PRPF31: variants seen among roughly 807,000 people sequenced by gnomAD.
PRPF31 encodes U4/U6 small nuclear ribonucleoprotein Prp31.
In PRPF31, 12 loss-of-function variants were observed where a neutral mutation model predicts 60.4. The observed-to-expected ratio is 0.20, with a 90% CI of 0.13 to 0.32. PRPF31 has a LOEUF of 0.32. PRPF31 is among the 10% of genes least tolerant of loss of function. The pLI is 1.00. For missense variants in PRPF31, 431 were observed against 687.1 expected, an observed-to-expected ratio of 0.63 and a Z score of 4.17; for synonymous variants, 287 against 287.9, an observed-to-expected ratio of 1.00 and a Z score of 0.03.
At position 54,123,173 on chromosome 19, in the gene PRPF31, G is replaced by A. The variant is rs1475861127; in HGVS notation, c.421-281G>A. ...CCGCGGATTTGCACTCCGACTTGACGCAGGCCAGAGGCTTGTGAGGCCACA... is the reference window on the plus strand; with the variant it reads ...CCGCGGATTTGCACTCCGACTTGACACAGGCCAGAGGCTTGTGAGGCCACA... On this transcript the variant is annotated intron_variant, in intron 5 of 13. Coordinates refer to ENST00000321030, the MANE Select transcript of PRPF31 (RefSeq NM_015629.4). 12 of 569,382 alleles carry A rather than the reference G, an allele frequency of 2.1e-5. No individual in the cohort carries two copies. In the East Asian group the frequency reaches 3.3e-4, roughly 16 times the overall value. 35.3% of individuals were successfully genotyped at this position (569,382 alleles called of 1,614,324 possible). A position where few individuals can be genotyped will look rare whatever the true frequency, so the allele number is the denominator to read the frequency against.
intron 13 of PRPF31, among the ~76,000 whole-genome samples, chr19:54,130,779 T>C (rs1272858018): frequency 3.3e-5 from 5 of 152,122 alleles, no homozygotes; most frequent in East Asian, 3.8e-4. Flanking sequence ...CCCTCCTCCA[T>C]CATGAGGTGC....
rs2146457824 is a variant in PRPF31, at chr19:54,131,309, C to T, written c.1377C>T (p.Gly459=). The change falls in exon 14 of 14, where the codon GGC becomes GGT. Residue 459 remains glycine, a splice_region_variant and synonymous_variant. Coordinates refer to ENST00000321030, the MANE Select transcript of PRPF31 (RefSeq NM_015629.4). Reference sequence around the variant, plus strand: ...TCCTCTCTCCCTCACCTGCCCAGGGCCTGGAGATTGTGAACCCACAGGCGG... The same window carrying T: ...TCCTCTCTCCCTCACCTGCCCAGGGTCTGGAGATTGTGAACCCACAGGCGG... ...ASSVAFTPLQ[G]LEIVNPQAAE... is the part of the protein sequence containing the mutation. 1 of 1,613,882 alleles carries T rather than the reference C, an allele frequency of 6.2e-7. No homozygotes were observed. Among genetic ancestry groups the T allele is most frequent in the South Asian group, 1.1e-5 (1 of 91,076 alleles).
At chr19:54,128,503 C>A in intron 11 of PRPF31, 126 bp downstream of exon 11, 1 of 664,510 alleles carries the variant, frequency 1.5e-6, no homozygotes, top group Non-Finnish European at 2.3e-6. Context: ...GCCCCAGCCT[C>A]CCCCCCCCCG....
chr19:54,123,171 A>T, intron 5 of PRPF31: 1 of 570,592 alleles, frequency 1.8e-6, no homozygotes, highest in South Asian at 2.0e-5. Flanking sequence ...CTCCGACTTG[A>T]CGCAGGCCAG....
chr19:54,119,104 C>T (rs1414198049), intron 3 of PRPF31, among the ~76,000 whole-genome samples: 1 of 152,100 alleles, frequency 6.6e-6, no homozygotes, highest in Admixed American at 6.6e-5. Flanking sequence ...CACCTAAGGC[C>T]GGGCGCCGTG....
At chr19:54,130,869 T>C (rs587726296) in intron 13 of PRPF31, among the ~76,000 whole-genome samples, 37 of 152,204 alleles carry the variant, frequency 2.4e-4, no homozygotes, top group South Asian at 4.1e-4. Flanking sequence ...CTGTTATTAT[T>C]TTTAGAGACG....
At chr19:54,123,407 C>A in intron 5 of PRPF31, 47 bp from the exon 6 acceptor site, 1 of 1,450,674 alleles carries the variant, frequency 6.9e-7, no homozygotes, top group Non-Finnish European at 9.7e-7. Context: ...GGTTCTCGAG[C>A]CTTCCTGAGT....
chr19:54,129,041 C>T lies in PRPF31; in HGVS notation c.1147-16C>T. 1 of 1,564,420 alleles carries T rather than the reference C, an allele frequency of 6.4e-7. No homozygotes were observed. Among genetic ancestry groups the T allele is most frequent in the South Asian group, 1.2e-5 (1 of 85,080 alleles). Reference sequence around the variant, plus strand: ...GCCTGGTCGCTGAACTGCAGGGCGCCTCCTCTCCCCCCTAGATCGAGGAGG... The same window carrying T: ...GCCTGGTCGCTGAACTGCAGGGCGCTTCCTCTCCCCCCTAGATCGAGGAGG... On this transcript the variant is annotated splice_polypyrimidine_tract_variant and intron_variant, in intron 11 of 13. Transcript: ENST00000321030.
intron 11 of PRPF31, among the ~76,000 whole-genome samples, chr19:54,128,827 A>C (rs376160423): frequency 7.4e-4 from 113 of 152,252 alleles, no homozygotes; most frequent in African/African-American, 2.3e-3. Context: ...ATGGCCTCCC[A>C]ACTCTGAGCT....
At chr19:54,125,754 C>A (rs1361748113) in intron 8 of PRPF31, among the ~76,000 whole-genome samples, 3 of 152,162 alleles carry the variant, frequency 2.0e-5, no homozygotes, top group African/African-American at 7.2e-5. Flanking sequence ...CTGGAACACA[C>A]CCAGGGAGGC....
chr19:54,120,521 G>C (rs587664360), intron 3 of PRPF31: 1 of 152,216 alleles, frequency 6.6e-6, no homozygotes, highest in Non-Finnish European at 1.5e-5. Context: ...CTCTGACGCC[G>C]CCCTGCCTGG....
In PRPF31 at chr19:54,125,134, C is replaced by A. The variant is rs587613498; in HGVS notation, c.855+478C>A. ...AGAGGTCACCAACCTCGGAGCTTCC[C>A]GGGTCCTCTCCCTGCAGTCGGGACA... is the stretch of plus-strand genomic sequence containing the variant. On this transcript the variant is annotated intron_variant, in intron 8 of 13. Transcript: ENST00000321030. 18 of 222,210 alleles carry A rather than the reference C, an allele frequency of 8.1e-5. No individual in the cohort carries two copies. In the South Asian group the frequency reaches 1.1e-3, roughly 14 times the overall value. 13.8% of individuals were successfully genotyped at this position (222,210 alleles called of 1,614,324 possible).
intron 10 of PRPF31, 38 bp downstream of exon 10, chr19:54,128,238 T>C (rs1450315668): frequency 1.9e-6 from 3 of 1,564,414 alleles, no homozygotes; most frequent in East Asian, 4.6e-5. Flanking sequence ...ATGGGGGTCA[T>C]GGAGGGGAGA....
chr19:54,126,478 T>G, intron 8 of PRPF31, 50 bp from the exon 9 acceptor site: 2 of 1,562,662 alleles, frequency 1.3e-6, no homozygotes, highest in Non-Finnish European at 1.7e-6. Flanking sequence ...TGCTGTTACC[T>G]CTGTCTGTCT....
chr19:54,118,476 C>T (rs112720865), intron 2 of PRPF31, 21 bp downstream of exon 2: 4 of 1,613,910 alleles, frequency 2.5e-6, no homozygotes, highest in African/African-American at 2.7e-5. Context: ...AAGAGGTGTT[C>T]CTAGCAGGGG....
rs2073964889 is a variant in PRPF31 at position 54,128,193 on chromosome 19, G to A, written c.1066G>A (p.Gly356Ser). Reference sequence around the variant, plus strand: ...GGATGGACAGCGGAAGAAGCGAGGCGGCCGCAGGTGAGGGGCCCTGGGGGT... The same window carrying A: ...GGATGGACAGCGGAAGAAGCGAGGCAGCCGCAGGTGAGGGGCCCTGGGGGT... Reference protein sequence around the residue: ...PLDGQRKKRGGRRYRKMKERL... With the variant: ...PLDGQRKKRGSRRYRKMKERL... Residue 356 changes from glycine (G) to serine (S), a missense_variant, in exon 10 of 14, where the codon GGC (glycine) becomes AGC (serine). Around this residue, in one of 4 missense-constraint regions of PRPF31, gnomAD observed 314 missense variants for 475.3 expected, o/e 0.66. Coordinates refer to ENST00000321030, the MANE Select transcript of PRPF31 (RefSeq NM_015629.4). The A allele has an allele frequency of 1.3e-6, 2 of 1,570,792 alleles. No homozygotes were observed. The highest frequency in any genetic ancestry group is 1.7e-6 in the Non-Finnish European group (2 of 1,160,228).
chr19:54,126,686 A>G, intron 9 of PRPF31, 69 bp downstream of exon 9: 1 of 1,469,226 alleles, frequency 6.8e-7, no homozygotes, highest in Non-Finnish European at 9.4e-7. Context: ...CTGCAGGGAG[A>G]CCCTCAGCAG....
intron 13 of PRPF31, among the ~76,000 whole-genome samples, 195 bp from the exon 14 acceptor site, chr19:54,131,111 TG>T (rs1412096773): frequency 6.6e-6 from 1 of 152,130 alleles, no homozygotes; most frequent in Non-Finnish European, 1.5e-5. Flanking sequence ...CCAGGCGCCC[TG>T]GTTCCTCCCC....
At chr19:54,127,255 T>C (rs1300406078) in intron 9 of PRPF31, among the ~76,000 whole-genome samples, 1 of 152,152 alleles carries the variant, frequency 6.6e-6, no homozygotes, top group Non-Finnish European at 1.5e-5. Flanking sequence ...GATAATCCAT[T>C]CCCTGGTCTT....
Sources: gnomAD v4.1 joint callset for allele counts (sites outside exome capture counted in the v4.1 genomes callset) on GRCh38, gnomAD v4.1.1 for gene constraint, gnomAD v4.1.1 regional missense constraint, MANE v1.5 for transcripts, NCBI Gene and HGNC (gene_info 2026-07-23, HGNC 2026-07-21) for gene names.